NXPH1: variants seen among roughly 807,000 people sequenced by gnomAD.
NXPH1 encodes the protein neurexophilin-1.
A neutral mutation model predicts 23.7 loss-of-function variants in NXPH1; 5 were observed. The observed-to-expected ratio is 0.21, with a 90% CI of 0.11 to 0.44. The LOEUF (loss-of-function observed/expected upper bound fraction) is 0.44, where lower values mean the gene tolerates loss of function less well. Ranked by LOEUF, NXPH1 falls within the 20% of genes least tolerant of loss-of-function variation. NXPH1 has a pLI of 0.99. For synonymous variants in NXPH1, 144 were observed against 122.2 expected, an observed-to-expected ratio of 1.18 and a Z score of -1.18; for missense variants, 324 against 321.6, an observed-to-expected ratio of 1.01 and a Z score of -0.06.
At chr7:8,572,475 T>C (rs1030901811) in intron 2 of NXPH1, among the ~76,000 whole-genome samples, 1 of 152,058 alleles carries the variant, frequency 6.6e-6, no homozygotes, top group African/African-American at 2.4e-5. Flanking sequence ...TGCATACGTT[T>C]TAGCACCTCA....
chr7:8,507,055 G>A (rs1817538499), intron 2 of NXPH1, among the ~76,000 whole-genome samples: 1 of 151,868 alleles, frequency 6.6e-6, no homozygotes, highest in African/African-American at 2.4e-5. Context: ...AAAGCCAAAT[G>A]GGAAGCTATG....
chr7:8,727,102 T>G (rs960474731), intron 2 of NXPH1, among the ~76,000 whole-genome samples: 15 of 148,664 alleles, frequency 1.0e-4, no homozygotes, highest in Non-Finnish European at 1.9e-4. Context: ...GTGAGCATTT[T>G]TTCATGTGTT....
intron 2 of NXPH1, among the ~76,000 whole-genome samples, chr7:8,594,774 C>T (rs1317877415): frequency 6.6e-6 from 1 of 151,956 alleles, no homozygotes; most frequent in Non-Finnish European, 1.5e-5. Context: ...TAATAGAAAC[C>T]TGGTGTCCCT....
chr7:8,641,895 T>C (rs552061684), intron 2 of NXPH1, among the ~76,000 whole-genome samples: 6 of 152,330 alleles, frequency 3.9e-5, no homozygotes, highest in Admixed American at 3.3e-4. Context: ...TCCTCTTCAC[T>C]CAATGAATGT....
At chr7:8,544,746 G>C (rs998901461) in intron 2 of NXPH1, among the ~76,000 whole-genome samples, 3 of 151,482 alleles carry the variant, frequency 2.0e-5, no homozygotes, top group Non-Finnish European at 4.4e-5. Context: ...ATAAAGAGTG[G>C]TTTTCATCAT....
At chr7:8,716,688 G>A (rs960019722) in intron 2 of NXPH1, among the ~76,000 whole-genome samples, 1 of 152,126 alleles carries the variant, frequency 6.6e-6, no homozygotes, top group Non-Finnish European at 1.5e-5. Context: ...GGATATGTCT[G>A]TGTTTCTAGG....
intron 2 of NXPH1, among the ~76,000 whole-genome samples, chr7:8,553,303 A>T (rs533970491): frequency 1.3e-5 from 2 of 150,756 alleles, no homozygotes; most frequent in South Asian, 4.2e-4. Context: ...TTTTAATGAA[A>T]GTTCCAATTT....
At chr7:8,580,691 A>C (rs779907348) in intron 2 of NXPH1, among the ~76,000 whole-genome samples, 1 of 152,010 alleles carries the variant, frequency 6.6e-6, no homozygotes, top group Non-Finnish European at 1.5e-5. Flanking sequence ...CTGACACCCA[A>C]GCTGAATCTG....
intron 2 of NXPH1, among the ~76,000 whole-genome samples, chr7:8,465,175 C>T (rs1816764498): frequency 1.3e-5 from 2 of 152,176 alleles, no homozygotes; most frequent in South Asian, 4.1e-4. Flanking sequence ...CTTTCAATTG[C>T]ACAAGGAGGT....
intron 2 of NXPH1, among the ~76,000 whole-genome samples, chr7:8,490,219 T>A (rs557615256): frequency 6.6e-6 from 1 of 152,226 alleles, no homozygotes; most frequent in Admixed American, 6.6e-5. Context: ...AGAGGGAAAT[T>A]AACCAAATCA....
chr7:8,657,963 A>G (rs1583217599), intron 2 of NXPH1, among the ~76,000 whole-genome samples: 1 of 152,128 alleles, frequency 6.6e-6, no homozygotes, highest in African/African-American at 2.4e-5. Context: ...GGGAGGCGGA[A>G]GTTGCAGTGA....
At chr7:8,743,393 A>G (rs1011004595) in intron 2 of NXPH1, among the ~76,000 whole-genome samples, 4 of 149,868 alleles carry the variant, frequency 2.7e-5, no homozygotes, top group Non-Finnish European at 6.0e-5. Flanking sequence ...TTGTATATAT[A>G]AAAGAGATAT....
intron 2 of NXPH1, among the ~76,000 whole-genome samples, chr7:8,567,772 G>A (rs1340930730): frequency 6.6e-6 from 1 of 151,678 alleles, no homozygotes; most frequent in Non-Finnish European, 1.5e-5. Flanking sequence ...TCTTATAATC[G>A]ACCTAAATAT....
intron 2 of NXPH1, among the ~76,000 whole-genome samples, chr7:8,647,310 A>C (rs1427706223): frequency 6.6e-6 from 1 of 152,112 alleles, no homozygotes; most frequent in African/African-American, 2.4e-5. Flanking sequence ...GGCAAAGCAG[A>C]AGTCAGCTAG....
intron 2 of NXPH1, among the ~76,000 whole-genome samples, chr7:8,703,277 A>G (rs59497488): frequency 0.32 from 48,974 of 151,924 alleles, 8,180 homozygotes; most frequent in East Asian, 0.45. Context: ...CTCAATACTT[A>G]GTCATGGTAG....
intron 2 of NXPH1, among the ~76,000 whole-genome samples, chr7:8,527,709 G>A (rs1817886164): frequency 6.6e-6 from 1 of 152,160 alleles, no homozygotes; most frequent in African/African-American, 2.4e-5. Flanking sequence ...CTGAATCTTT[G>A]TCATGTCCTC....
At chr7:8,505,425 T>C (rs1817506795) in intron 2 of NXPH1, among the ~76,000 whole-genome samples, 1 of 152,086 alleles carries the variant, frequency 6.6e-6, no homozygotes, top group Non-Finnish European at 1.5e-5. Flanking sequence ...TATAGTCATT[T>C]GTGAGCAATA....
chr7:8,673,501 A>G (rs973650291), intron 2 of NXPH1, among the ~76,000 whole-genome samples: 3 of 152,176 alleles, frequency 2.0e-5, no homozygotes, highest in Non-Finnish European at 4.4e-5. Flanking sequence ...TTCCAAGTCA[A>G]AGAGGCTGTG....
At chr7:8,748,526 CT>C (rs1780510411) in intron 2 of NXPH1, among the ~76,000 whole-genome samples, 1 of 152,190 alleles carries the variant, frequency 6.6e-6, no homozygotes, top group African/African-American at 2.4e-5. Flanking sequence ...CCGTGTTTCT[CT>C]TAGATGTGAC....
Sources: gnomAD v4.1 joint callset for allele counts (sites outside exome capture counted in the v4.1 genomes callset) on GRCh38, gnomAD v4.1.1 for gene constraint, MANE v1.5 for transcripts, NCBI Gene and HGNC (gene_info 2026-07-23, HGNC 2026-07-21) for gene names.